LY75: variants seen among roughly 807,000 people sequenced by gnomAD.
The protein encoded by LY75 is lymphocyte antigen 75, also known as C-type lectin domain family 13 member B.
Under a neutral mutation model 231.7 loss-of-function variants are expected in LY75, and 185 were observed. The ratio of observed to expected loss-of-function variants is 0.80; its 90% confidence interval spans 0.71 to 0.90. The LOEUF (loss-of-function observed/expected upper bound fraction) is 0.90. Among genes scored for constraint, LY75 ranks in the 40% least tolerant of loss-of-function variants. The pLI, the probability that LY75 is intolerant of heterozygous loss-of-function variation, is 0.00. For missense variants in LY75, 1,947 were observed against 2,050.2 expected, an observed-to-expected ratio of 0.95 and a Z score of 0.97; for synonymous variants, 668 against 689.0, an observed-to-expected ratio of 0.97 and a Z score of 0.48.
At chr2:159,820,382 G>T (rs553189989) in intron 28 of LY75, among the ~76,000 whole-genome samples, 1 of 152,182 alleles carries the variant, frequency 6.6e-6, no homozygotes, top group African/African-American at 2.4e-5. Context: ...AATGGCATTC[G>T]CAGCAACCTG....
chr2:159,892,553 G>A (rs746096325), intron 3 of LY75, among the ~76,000 whole-genome samples: 3 of 152,164 alleles, frequency 2.0e-5, no homozygotes, highest in South Asian at 2.1e-4. Flanking sequence ...ACCTGGCAGA[G>A]CCCTGTTAAG....
chr2:159,848,023 C>T (rs12621750), intron 23 of LY75, among the ~76,000 whole-genome samples: 25,815 of 144,986 alleles, frequency 0.18, 2,737 homozygotes, highest in East Asian at 0.33. Flanking sequence ...GTGGAACCAA[C>T]CCAAATGCCC....
intron 15 of LY75, among the ~76,000 whole-genome samples, chr2:159,859,941 T>A (rs1684655434): frequency 6.6e-6 from 1 of 152,220 alleles, no homozygotes; most frequent in South Asian, 2.1e-4. Flanking sequence ...TTCATAATAT[T>A]CTTGTTCTTG....
chr2:159,812,209 T>C (rs987516734), intron 31 of LY75: 1 of 152,038 alleles, frequency 6.6e-6, no homozygotes, highest in African/African-American at 2.4e-5. Flanking sequence ...GTTTCTAGTA[T>C]AGTCTGCAAC....
Position 159,852,191 on chromosome 2 carries a change from C to A in LY75, c.2883+10G>T. ...ATCATTGTTGCATAATGTAGCAATT[C>A]TCTTTTTACCTTATTCTGAAAAGGA... On this transcript the variant is annotated intron_variant, in intron 21 of 34. Coordinates refer to ENST00000263636, the MANE Select transcript of LY75 (RefSeq NM_002349.4). 2 of 1,612,316 alleles carry A rather than the reference C, an allele frequency of 1.2e-6. No homozygotes were observed. The highest frequency in any genetic ancestry group is 1.7e-5 in the Admixed American group (1 of 59,800).
Position 159,900,168 on chromosome 2 carries a change from T to C in LY75, c.95-1109A>G, listed in dbSNP as rs543402230. On this transcript the variant is annotated intron_variant, in intron 1 of 34. Coordinates refer to ENST00000263636, the MANE Select transcript of LY75 (RefSeq NM_002349.4). ...CTGAATGTTCCCCTGGCACTTTGCA[T>C]GAGCTGGCAAAGACCCCAGTAAGGA... Among the ~76,000 whole-genome samples the C allele has an allele frequency of 3.1e-4, 47 of 152,304 alleles. 1 individual carries two copies. Among genetic ancestry groups the C allele is most frequent in the African/African-American group, 9.1e-4 (38 of 41,552 alleles).
chr2:159,809,888 C>T (rs951930694), intron 32 of LY75, among the ~76,000 whole-genome samples: 4 of 151,788 alleles, frequency 2.6e-5, no homozygotes, highest in East Asian at 1.9e-4. Context: ...ATGTTGGTCA[C>T]GCTAGTCTTT....
chr2:159,853,523 T>A, intron 19 of LY75, 107 bp downstream of exon 19: 7 of 1,551,844 alleles, frequency 4.5e-6, no homozygotes, highest in Non-Finnish European at 1.8e-6. Context: ...TTTAGGCAGT[T>A]TATGGATTAA....
chr2:159,838,964 T>C (rs1335563711), intron 25 of LY75, among the ~76,000 whole-genome samples: 1 of 151,944 alleles, frequency 6.6e-6, no homozygotes, highest in Non-Finnish European at 1.5e-5. Flanking sequence ...CCCAGCTAAT[T>C]TTTGTATTTT....
chr2:159,835,249 T>C (rs774235126), intron 26 of LY75, among the ~76,000 whole-genome samples: 3 of 152,214 alleles, frequency 2.0e-5, no homozygotes, highest in Non-Finnish European at 4.4e-5. Flanking sequence ...TAATCCCCAT[T>C]GTCAGCTGAC....
chr2:159,880,776 A>G (rs1685411352), intron 8 of LY75, among the ~76,000 whole-genome samples: 1 of 152,196 alleles, frequency 6.6e-6, no homozygotes, highest in Non-Finnish European at 1.5e-5. Flanking sequence ...CTGTTCCACA[A>G]GGAAGTGCAA....
At chr2:159,882,457 T>C in intron 6 of LY75, 142 bp from the exon 7 acceptor site, 3 of 1,162,444 alleles carry the variant, frequency 2.6e-6, no homozygotes, top group South Asian at 3.1e-5. Flanking sequence ...CATGAATTCA[T>C]GTGGTGCCTA....
chr2:159,846,790 T>G (rs1560078556), intron 23 of LY75, among the ~76,000 whole-genome samples: 3 of 152,092 alleles, frequency 2.0e-5, no homozygotes, highest in African/African-American at 7.2e-5. Flanking sequence ...ATTTCCAAAG[T>G]CATAAAATCA....
Position 159,834,221 on chromosome 2 carries a change from G to A in LY75, c.3674-10C>T, listed in dbSNP as rs745660772. 1.2e-6 allele frequency: 2 copies of A among 1,612,648 alleles called. No homozygotes were observed. Among genetic ancestry groups the A allele is most frequent in the Non-Finnish European group, 1.7e-6 (2 of 1,179,610 alleles). The stretch of plus-strand genomic sequence containing the variant: ...TCTTTTTCAGTCTCATCTAGAAAAA[G>A]AGTTAATGGTAAGAATTCTAATTTG... On this transcript the variant is annotated splice_polypyrimidine_tract_variant and intron_variant, in intron 26 of 34. Coordinates refer to ENST00000263636, the MANE Select transcript of LY75 (RefSeq NM_002349.4).
rs938326601 is a variant in LY75 at position 159,898,745 on chromosome 2, A to T, written c.409T>A (p.Ser137Thr). ...GAGCCTCCTTTCTTCCAGACATCAG[A>T]TGCATTTGAGATTGCTGTGCCATGT... ...DGHGTAISNA[S>T]DVWKKGGSEE... The change falls in exon 2 of 35, where the codon TCT (serine) becomes ACT (threonine). Residue 137 changes from serine (S) to threonine (T), a missense_variant. By Grantham distance (58) the Ser-to-Thr change is moderately conservative. Coordinates refer to ENST00000263636, the MANE Select transcript of LY75 (RefSeq NM_002349.4). The T allele has an allele frequency of 5.0e-6, 8 of 1,614,026 alleles. No homozygotes were observed. Among genetic ancestry groups the T allele is most frequent in the Non-Finnish European group, 6.8e-6 (8 of 1,179,952 alleles).
chr2:159,887,211 T>TCACACACACACA (rs370794967), intron 4 of LY75, among the ~76,000 whole-genome samples: 18,301 of 129,698 alleles, frequency 0.14, 1,794 homozygotes, highest in Admixed American at 0.22. Flanking sequence ...AGAGTGAGAG[T>TCACACACACACA]CACACACACA....
intron 25 of LY75, among the ~76,000 whole-genome samples, chr2:159,838,064 G>A (rs897149164): frequency 2.0e-5 from 3 of 152,068 alleles, no homozygotes; most frequent in Admixed American, 6.5e-5. Context: ...CACTGTAAAC[G>A]CCAACAGCAT....
chr2:159,831,523 T>C, intron 28 of LY75, 147 bp downstream of exon 28: 1 of 830,498 alleles, frequency 1.2e-6, no homozygotes, highest in Non-Finnish European at 1.9e-6. Flanking sequence ...ACATAAAAAC[T>C]GTCTTGGTAT....
At chr2:159,841,034 C>T (rs890240327) in intron 24 of LY75, 79 bp from the exon 25 acceptor site, 12 of 1,554,276 alleles carry the variant, frequency 7.7e-6, no homozygotes, top group African/African-American at 1.4e-5. Flanking sequence ...TTTCACATTT[C>T]TCCCCATACT....
Sources: allele counts gnomAD v4.1 joint callset (sites outside exome capture counted in the v4.1 genomes callset), GRCh38; gene constraint gnomAD v4.1.1; transcripts MANE v1.5; gene names NCBI Gene and HGNC (gene_info 2026-07-23, HGNC 2026-07-21).